The following BMPR2 variants were observed in gnomAD, a reference collection of about 807,000 sequenced individuals.
The protein encoded by BMPR2 is bone morphogenetic protein receptor type-2.
BMPR2 carries 29 observed loss-of-function variants against 100.8 expected under a neutral mutation model. The observed-to-expected ratio is 0.29, with a 90% CI of 0.21 to 0.39. The LOEUF (loss-of-function observed/expected upper bound fraction) is 0.39, where lower values mean the gene tolerates loss of function less well. Ranked by LOEUF, BMPR2 falls within the 10% of genes least tolerant of loss-of-function variation. The pLI, the probability that BMPR2 is intolerant of heterozygous loss-of-function variation, is 1.00. For synonymous variants in BMPR2, 382 were observed against 442.3 expected, an observed-to-expected ratio of 0.86 and a Z score of 1.71; for missense variants, 1,011 against 1,274.5, an observed-to-expected ratio of 0.79 and a Z score of 3.15.
chr2:202,440,422 A>C (rs1273821721), intron 1 of BMPR2, among the ~76,000 whole-genome samples: 1 of 149,510 alleles, frequency 6.7e-6, no homozygotes, highest in East Asian at 1.9e-4. Flanking sequence ...AGCCGGGCAG[A>C]GACGCTCCTC....
At chr2:202,447,131 C>G (rs1283235310) in intron 1 of BMPR2, among the ~76,000 whole-genome samples, 1 of 148,882 alleles carries the variant, frequency 6.7e-6, no homozygotes, top group Non-Finnish European at 1.5e-5. Context: ...CATAGTGAAA[C>G]CCTGTCTCTA....
chr2:202,515,570 A>C (rs1284507402), intron 5 of BMPR2, among the ~76,000 whole-genome samples: 2 of 149,740 alleles, frequency 1.3e-5, no homozygotes, highest in African/African-American at 2.5e-5. Context: ...AAACTCTGCC[A>C]CAAAAAAAAA....
intron 1 of BMPR2, among the ~76,000 whole-genome samples, chr2:202,386,744 G>C (rs900299146): frequency 2.0e-5 from 3 of 151,304 alleles, no homozygotes; most frequent in Non-Finnish European, 2.9e-5. Flanking sequence ...ACAGTGGCGC[G>C]ATCTCGGCTC....
chr2:202,410,620 C>T (rs1690993729), intron 1 of BMPR2, among the ~76,000 whole-genome samples: 1 of 152,126 alleles, frequency 6.6e-6, no homozygotes, highest in African/African-American at 2.4e-5. Context: ...TGCTCTGTCA[C>T]CCAGGCTGGA....
intron 5 of BMPR2, among the ~76,000 whole-genome samples, chr2:202,517,590 T>C (rs1251324517): frequency 6.6e-6 from 1 of 152,056 alleles, no homozygotes; most frequent in Non-Finnish European, 1.5e-5. Flanking sequence ...GACCTCGTGA[T>C]CCACCCGCCT....
At chr2:202,534,830 G>A (rs1382152465) in intron 9 of BMPR2, among the ~76,000 whole-genome samples, 15 of 151,426 alleles carry the variant, frequency 9.9e-5, no homozygotes, top group Middle Eastern at 3.5e-3. Flanking sequence ...CCTCCCGGAC[G>A]GGGCGGCTGG....
intron 1 of BMPR2, among the ~76,000 whole-genome samples, chr2:202,454,756 G>C (rs1460531287): frequency 6.6e-6 from 1 of 152,102 alleles, no homozygotes; most frequent in African/African-American, 2.4e-5. Context: ...AAACTCTCTA[G>C]AGCTGCACTA....
At chr2:202,544,902 C>T (rs1331515400) in intron 10 of BMPR2, among the ~76,000 whole-genome samples, 1 of 150,830 alleles carries the variant, frequency 6.6e-6, no homozygotes, top group East Asian at 2.0e-4. Flanking sequence ...GTAGCTGAGA[C>T]TTCAGGTGCA....
chr2:202,391,533 C>T (rs1164735293), intron 1 of BMPR2, among the ~76,000 whole-genome samples: 2 of 150,250 alleles, frequency 1.3e-5, no homozygotes. Context: ...CTCAAGCGAC[C>T]CTTTTGCCTT....
At chr2:202,393,914 AG>A (rs1559024383) in intron 1 of BMPR2, among the ~76,000 whole-genome samples, 3 of 149,112 alleles carry the variant, frequency 2.0e-5, no homozygotes, top group Non-Finnish European at 4.4e-5. Flanking sequence ...AGAGAGAGAG[AG>A]AGAGAGAGAG....
In BMPR2 at chr2:202,480,953, TAAAAAAAAA is replaced by T. The variant is rs71035011; in HGVS notation, c.418+13283_418+13291del. On this transcript the variant is annotated intron_variant, in intron 3 of 12. Coordinates refer to ENST00000374580, the MANE Select transcript of BMPR2 (RefSeq NM_001204.7). ...CTGGGCGACAGACCGAGACTCCGTC[TAAAAAAAAA>T]AAAAAAAAAAAAAAAAAATCAATTG... 1.2e-4 allele frequency among the ~76,000 whole-genome samples: 5 copies of T among 43,356 alleles called. 1 individual carries two copies. Among genetic ancestry groups the T allele is most frequent in the Middle Eastern group, 0.029 (2 of 70 alleles). The allele number at this position is 43,356 out of a possible 152,430, so 28.4% of individuals were successfully genotyped here.
chr2:202,389,776 G>A (rs1181786641), intron 1 of BMPR2, among the ~76,000 whole-genome samples: 3 of 151,496 alleles, frequency 2.0e-5, no homozygotes, highest in Non-Finnish European at 2.9e-5. Flanking sequence ...CGAGTAGCTG[G>A]GATTACAGTC....
chr2:202,496,135 A>T (rs1392674434), intron 3 of BMPR2, among the ~76,000 whole-genome samples: 1 of 152,222 alleles, frequency 6.6e-6, no homozygotes, highest in East Asian at 1.9e-4. Flanking sequence ...TAAGAAATTT[A>T]CTTATTTTCC....
At chr2:202,506,624 G>A (rs945213338) in intron 3 of BMPR2, among the ~76,000 whole-genome samples, 1 of 152,138 alleles carries the variant, frequency 6.6e-6, no homozygotes, top group African/African-American at 2.4e-5. Context: ...CCATAGGCCG[G>A]GTGCGGTGGC....
intron 2 of BMPR2, chr2:202,467,147 C>CAGCT (rs1330469264): frequency 3.3e-6 from 1 of 299,526 alleles, no homozygotes; most frequent in African/African-American, 2.2e-5. Flanking sequence ...CCTGTAATCC[C>CAGCT]AGCTACTCGG....
intron 1 of BMPR2, among the ~76,000 whole-genome samples, chr2:202,397,264 G>A (rs115669288): frequency 4.9e-4 from 75 of 152,256 alleles, no homozygotes; most frequent in African/African-American, 1.5e-3. Flanking sequence ...ACACTGCCAA[G>A]TAAATTATGA....
Position 202,457,735 on chromosome 2 carries a change from T to C in BMPR2, c.77-7074T>C, listed in dbSNP as rs147619914. Among the ~76,000 whole-genome samples, 1,329 of 152,114 alleles carry C rather than the reference T, an allele frequency of 8.7e-3. 12 individuals are homozygous for C. Among genetic ancestry groups the C allele is most frequent in the Non-Finnish European group, 0.014 (941 of 67,976 alleles). On this transcript the variant is annotated intron_variant, in intron 1 of 12. Transcript: ENST00000374580. The stretch of plus-strand genomic sequence containing the variant: ...AGACATAGATTGCAAGTTTGACTTT[T>C]TTGGTTTTTTTTGAAATGGAGTTTT...
intron 1 of BMPR2, among the ~76,000 whole-genome samples, chr2:202,401,732 G>A (rs1690772438): frequency 6.6e-6 from 1 of 152,158 alleles, no homozygotes; most frequent in African/African-American, 2.4e-5. Flanking sequence ...ACAAAAATTT[G>A]TTGAGAAAGT....
chr2:202,557,897 G>C (rs1274365108), intron 12 of BMPR2, among the ~76,000 whole-genome samples: 1 of 152,086 alleles, frequency 6.6e-6, no homozygotes, highest in African/African-American at 2.4e-5. Context: ...TCCAAGTAAT[G>C]TTATACCAGT....
Sources: gnomAD v4.1 joint callset for allele counts (sites outside exome capture counted in the v4.1 genomes callset) on GRCh38, gnomAD v4.1.1 for gene constraint, MANE v1.5 for transcripts, NCBI Gene and HGNC (gene_info 2026-07-23, HGNC 2026-07-21) for gene names.